Variants in CDH10 observed in about 807,000 individuals in gnomAD.
The protein encoded by CDH10 is cadherin 10.
Under a neutral mutation model 73.1 loss-of-function variants are expected in CDH10, and 30 were observed. The ratio of observed to expected loss-of-function variants is 0.41; its 90% CI spans 0.31 to 0.56. The LOEUF is 0.56. CDH10 is among the 20% of genes least tolerant of loss of function. The pLI, the probability that CDH10 is intolerant of heterozygous loss-of-function variation, is 0.27. For missense variants in CDH10, 815 were observed against 973.7 expected, an observed-to-expected ratio of 0.84 and a Z score of 2.17; for synonymous variants, 345 against 348.2, an observed-to-expected ratio of 0.99 and a Z score of 0.10.
Position 24,487,744 on chromosome 5 carries a change from G to A in CDH10, c.2286C>T (p.Tyr762=), listed in dbSNP as rs775096429. The change falls in exon 12 of 12, where the codon TAC becomes TAT. Residue 762 remains tyrosine (Y), a synonymous_variant. Coordinates refer to ENST00000264463, the MANE Select transcript of CDH10 (RefSeq NM_006727.5). ...GAGGGCCCCATTCTCGGAGGTAATC[G>A]TAGTTTTGGTCTCCTTCAGTAGTAC... ...ESGTTEGDQN[Y]DYLREWGPRF... The A allele has an allele frequency of 1.2e-6, 2 of 1,613,672 alleles. No homozygotes were observed. Among genetic ancestry groups the A allele is most frequent in the South Asian group, 2.2e-5 (2 of 91,036 alleles).
At chr5:24,499,041 G>T (rs1742396303) in intron 8 of CDH10, among the ~76,000 whole-genome samples, 1 of 152,008 alleles carries the variant, frequency 6.6e-6, no homozygotes, top group Non-Finnish European at 1.5e-5. Flanking sequence ...TAAATAAATT[G>T]GTAACTTATC....
At chr5:24,543,657 AT>A (rs1226348004) in intron 2 of CDH10, among the ~76,000 whole-genome samples, 1 of 152,170 alleles carries the variant, frequency 6.6e-6, no homozygotes, top group East Asian at 1.9e-4. Context: ...TAAATGGAAA[AT>A]AAAACACTGA....
intron 1 of CDH10, among the ~76,000 whole-genome samples, chr5:24,620,164 C>T (rs997047352): frequency 6.6e-6 from 1 of 152,104 alleles, no homozygotes; most frequent in Admixed American, 6.6e-5. Context: ...TCTCCTCACA[C>T]GTTAATAGGC....
intron 1 of CDH10, among the ~76,000 whole-genome samples, chr5:24,626,854 G>GTA (rs757099440): frequency 8.9e-5 from 12 of 134,946 alleles, no homozygotes; most frequent in Non-Finnish European, 1.9e-4. Flanking sequence ...ATATATAAGT[G>GTA]TATATATATG....
At chr5:24,572,410 G>T (rs1230360540) in intron 2 of CDH10, among the ~76,000 whole-genome samples, 1 of 152,102 alleles carries the variant, frequency 6.6e-6, no homozygotes, top group African/African-American at 2.4e-5. Flanking sequence ...GAAGCTATCT[G>T]CATGCTGTAA....
At chr5:24,641,283 T>C (rs1487270680) in intron 1 of CDH10, among the ~76,000 whole-genome samples, 1 of 152,102 alleles carries the variant, frequency 6.6e-6, no homozygotes, top group East Asian at 1.9e-4. Context: ...GCTGATATTG[T>C]TATCTTAGAA....
chr5:24,621,256 G>A (rs1219396441), intron 1 of CDH10, among the ~76,000 whole-genome samples: 1 of 152,086 alleles, frequency 6.6e-6, no homozygotes. Context: ...TGAGATCTCT[G>A]GGACTGGCTG....
chr5:24,554,867 C>T (rs1281489450), intron 2 of CDH10, among the ~76,000 whole-genome samples: 2 of 151,980 alleles, frequency 1.3e-5, no homozygotes, highest in African/African-American at 2.4e-5. Context: ...TATTGTCCAA[C>T]ATTATGTCTT....
chr5:24,557,016 A>C (rs2111974185), intron 2 of CDH10, among the ~76,000 whole-genome samples: 1 of 151,926 alleles, frequency 6.6e-6, no homozygotes, highest in South Asian at 2.1e-4. Flanking sequence ...ATTGGAAGGT[A>C]TTCTTTTCAA....
At chr5:24,537,282 C>A (rs1480153047) in intron 3 of CDH10, 98 bp downstream of exon 3, 2 of 795,516 alleles carry the variant, frequency 2.5e-6, no homozygotes, top group Non-Finnish European at 4.0e-6. Context: ...GGTAGCAAAT[C>A]AAAGAGGATT....
At chr5:24,542,256 G>A (rs1044549721) in intron 2 of CDH10, among the ~76,000 whole-genome samples, 6 of 152,122 alleles carry the variant, frequency 3.9e-5, no homozygotes, top group Admixed American at 6.6e-5. Context: ...AAGCTTACAC[G>A]TAAGTATATG....
chr5:24,570,740 TA>T (rs1745346919), intron 2 of CDH10, among the ~76,000 whole-genome samples: 2 of 152,156 alleles, frequency 1.3e-5, no homozygotes, highest in Non-Finnish European at 2.9e-5. Context: ...GTATGAAATA[TA>T]AAGAAAATGT....
chr5:24,518,890 T>TA (rs1355847281), intron 5 of CDH10, among the ~76,000 whole-genome samples: 1 of 140,220 alleles, frequency 7.1e-6, no homozygotes, highest in Non-Finnish European at 1.5e-5. Flanking sequence ...TGCACTTTTT[T>TA]TTTTTTTTTT....
chr5:24,536,182 T>G (rs189027154), intron 3 of CDH10, among the ~76,000 whole-genome samples: 1 of 152,188 alleles, frequency 6.6e-6, no homozygotes, highest in Non-Finnish European at 1.5e-5. Flanking sequence ...GGAGTAAGTA[T>G]GTTCTTCTTC....
chr5:24,631,692 T>A (rs1456902792), intron 1 of CDH10, among the ~76,000 whole-genome samples: 1 of 152,030 alleles, frequency 6.6e-6, no homozygotes, highest in Non-Finnish European at 1.5e-5. Context: ...GACAATGTAC[T>A]TACTTTTAAA....
chr5:24,531,244 C>T (rs1292609685), intron 5 of CDH10, among the ~76,000 whole-genome samples: 2 of 152,038 alleles, frequency 1.3e-5, no homozygotes, highest in African/African-American at 2.4e-5. Flanking sequence ...TTGGAATTGT[C>T]TCACATGTTA....
chr5:24,518,874 GAC>G (rs749197675), intron 5 of CDH10, among the ~76,000 whole-genome samples: 1 of 92,542 alleles, frequency 1.1e-5, no homozygotes, highest in African/African-American at 3.8e-5. Context: ...TTGATTTTTT[GAC>G]ATGTGCACTT....
rs534936423 is a variant in CDH10 at position 24,562,477 on chromosome 5, T to A, written c.232-24803A>T. Among the ~76,000 whole-genome samples, 4 of 152,232 alleles carry A rather than the reference T, an allele frequency of 2.6e-5. No homozygotes were observed. In the South Asian group the frequency reaches 8.3e-4, roughly 32 times the overall value. ...CCAAAGAAATTAAATGATTTTCCTATAATCATACTGATATTTAGAGGGAGA... is the reference window on the plus strand; with the variant it reads ...CCAAAGAAATTAAATGATTTTCCTAAAATCATACTGATATTTAGAGGGAGA... On this transcript the variant is annotated intron_variant, in intron 2 of 11. Transcript: ENST00000264463.
At position 24,498,518 on chromosome 5, in the gene CDH10, G is replaced by T; in HGVS notation, c.1395C>A (p.Asn465Lys). The part of the protein sequence containing the change: ...HNLTVIAAEI[N>K]NPKETTRVAV... ...CCACGCGTGTTGTCTCTTTGGGATTGTCTGGAAAAGGGGAAGAAAAATATT... is the reference window on the plus strand; with the variant it reads ...CCACGCGTGTTGTCTCTTTGGGATTTTCTGGAAAAGGGGAAGAAAAATATT... The change falls in exon 9 of 12, where the codon AAC (asparagine) becomes AAA (lysine). Residue 465 changes from asparagine to lysine, a missense_variant and splice_region_variant. By Grantham distance (94) the Asn-to-Lys change is moderately conservative (BLOSUM62 0). Around this residue, in one of 3 missense-constraint regions of CDH10, gnomAD observed 516 missense variants for 636.6 expected, o/e 0.81. Coordinates refer to ENST00000264463, the MANE Select transcript of CDH10 (RefSeq NM_006727.5). 2 of 1,596,606 alleles carry T rather than the reference G, an allele frequency of 1.3e-6. No homozygotes were observed. The highest frequency in any genetic ancestry group is 1.7e-6 in the Non-Finnish European group (2 of 1,167,412).
Sources: gnomAD v4.1 joint callset for allele counts (sites outside exome capture counted in the v4.1 genomes callset) on GRCh38, gnomAD v4.1.1 for gene constraint, gnomAD v4.1.1 regional missense constraint, MANE v1.5 for transcripts, NCBI Gene and HGNC (gene_info 2026-07-23, HGNC 2026-07-21) for gene names.